The following LAP3 variants were observed in gnomAD, a reference collection of about 807,000 sequenced individuals.
LAP3 encodes the protein cytosol aminopeptidase.
A neutral mutation model predicts 58.8 loss-of-function variants in LAP3; 46 were observed. The observed-to-expected ratio is 0.78, with a 90% CI of 0.62 to 1.00. The LOEUF (loss-of-function observed/expected upper bound fraction) is 1.00, where lower values mean the gene tolerates loss of function less well. LAP3 is among the 50% of genes least tolerant of loss of function. LAP3 has a pLI of 0.00. For missense variants in LAP3, 615 were observed against 659.1 expected, an observed-to-expected ratio of 0.93 and a Z score of 0.73; for synonymous variants, 257 against 237.7, an observed-to-expected ratio of 1.08 and a Z score of -0.75.
In LAP3 at chr4:17,607,777, A is replaced by C; in HGVS notation, c.*188A>C. ...ACAAAGATTTATAAAGGTAAAGTTA[A>C]TATCTTACTTGATAAGGATTTTTAA... On this transcript the variant is annotated 3_prime_UTR_variant, in exon 13 of 13. Transcript: ENST00000226299. 2.0e-6 allele frequency: 1 copy of C among 488,700 alleles called. No homozygotes were observed. The highest frequency in any genetic ancestry group is 3.6e-6 in the Non-Finnish European group (1 of 280,208). 30.3% of individuals were successfully genotyped at this position (488,700 alleles called of 1,614,324 possible).
chr4:17,582,815 G>A (rs1238078109), intron 4 of LAP3: 1 of 168,486 alleles, frequency 5.9e-6, no homozygotes, highest in Non-Finnish European at 1.3e-5. Flanking sequence ...AAAGGTGTGT[G>A]CCTGTCCCAG....
At chr4:17,599,518 G>C (rs1713936234) in intron 10 of LAP3, among the ~76,000 whole-genome samples, 1 of 152,054 alleles carries the variant, frequency 6.6e-6, no homozygotes, top group Non-Finnish European at 1.5e-5. Context: ...CTTGGTGACA[G>C]AGCGAGACTC....
At chr4:17,595,982 A>C (rs1012230969) in intron 8 of LAP3, among the ~76,000 whole-genome samples, 4 of 152,110 alleles carry the variant, frequency 2.6e-5, no homozygotes, top group Admixed American at 6.6e-5. Context: ...ACAAACTCCC[A>C]GGCACAGTAC....
rs762408178 is a variant in LAP3, at chr4:17,577,560, T to C, written c.95T>C (p.Met32Thr). 2 of 1,554,634 alleles carry C rather than the reference T, an allele frequency of 1.3e-6. No homozygotes were observed. Among genetic ancestry groups the C allele is most frequent in the African/African-American group, 1.4e-5 (1 of 72,864 alleles). The change falls in exon 1 of 13, where the codon ATG (methionine) becomes ACG (threonine). Residue 32 changes from methionine (M) to threonine (T), a missense_variant. Transcript: ENST00000226299. Reference protein sequence around the residue: ...FGSRSLSTADMTKGLVLGIYS... With the variant: ...FGSRSLSTADTTKGLVLGIYS... ...AGCCGGAGTCTCTCCACCGCAGACA[T>C]GACGAAGGTGAGAGGCGGCGGCTCG... is the stretch of plus-strand genomic sequence containing the variant.
intron 7 of LAP3, among the ~76,000 whole-genome samples, chr4:17,594,908 T>C (rs1713791850): frequency 6.6e-6 from 1 of 152,176 alleles, no homozygotes; most frequent in African/African-American, 2.4e-5. Context: ...TGTCAGGAGT[T>C]AATCAGACAA....
At chr4:17,594,174 G>A (rs1186653530) in intron 7 of LAP3, among the ~76,000 whole-genome samples, 1 of 152,120 alleles carries the variant, frequency 6.6e-6, no homozygotes, top group Non-Finnish European at 1.5e-5. Context: ...ATCTTTAACT[G>A]GTGGCTACCT....
intron 6 of LAP3, among the ~76,000 whole-genome samples, chr4:17,587,163 G>T (rs1484899976): frequency 6.6e-6 from 1 of 152,230 alleles, no homozygotes; most frequent in Non-Finnish European, 1.5e-5. Flanking sequence ...TACAGTACAA[G>T]AGAGTGGGGC....
chr4:17,579,788 A>C, intron 1 of LAP3, 36 bp from the exon 2 acceptor site: 1,931 of 935,146 alleles, frequency 2.1e-3, no homozygotes, highest in Non-Finnish European at 3.0e-3. Flanking sequence ...GATCTACTCT[A>C]ATTCTATTAT....
intron 2 of LAP3, 39 bp downstream of exon 2, chr4:17,579,978 C>A: frequency 8.5e-7 from 1 of 1,169,686 alleles, no homozygotes; most frequent in Non-Finnish European, 1.3e-6. Context: ...TAAAGTGCCC[C>A]CAAATCGAAA....
chr4:17,596,042 G>A (rs533959875), intron 8 of LAP3, among the ~76,000 whole-genome samples: 8 of 152,208 alleles, frequency 5.3e-5, no homozygotes, highest in Non-Finnish European at 1.0e-4. Context: ...AGGAGACGGG[G>A]AAGGAGGAGA....
chr4:17,577,515 T>A lies in LAP3; in HGVS notation c.50T>A (p.Leu17Gln), dbSNP rs1713238711. 2 of 1,587,468 alleles carry A rather than the reference T, an allele frequency of 1.3e-6. No homozygotes were observed. Among genetic ancestry groups the A allele is most frequent in the East Asian group, 2.3e-5 (1 of 43,448 alleles). The change falls in exon 1 of 13, where the codon CTG becomes CAG. Residue 17 changes from leucine (L) to glutamine (Q), a missense_variant. Physicochemically the swap from Leu to Gln is moderately radical, Grantham distance 113. Transcript: ENST00000226299. Reference sequence around the variant, plus strand: ...GCGGGGCGAGTAGTCGTCCGACGTCTGGCCGTGAGACGTTTCGGGAGCCGG... The same window carrying A: ...GCGGGGCGAGTAGTCGTCCGACGTCAGGCCGTGAGACGTTTCGGGAGCCGG... ...PAAGRVVVRR[L>Q]AVRRFGSRSL...
At position 17,585,123 on chromosome 4, in the gene LAP3, G is replaced by A. The variant is rs62641703; in HGVS notation, c.691G>A (p.Glu231Lys). ...KNLKSASSKT[E>K]VHIRPKSWIE... is the part of the protein sequence containing the mutation. Reference sequence around the variant, plus strand: ...TCTCAAAAGTGCTAGTAGTAAAACCGAGGTCCATATCAGGTAATTCAGGAT... The same window carrying A: ...TCTCAAAAGTGCTAGTAGTAAAACCAAGGTCCATATCAGGTAATTCAGGAT... The change falls in exon 6 of 13, where the codon GAG (glutamate) becomes AAG (lysine). Residue 231 changes from glutamate (E) to lysine (K), a missense_variant. Transcript: ENST00000226299. The A allele has an allele frequency of 2.7e-4, 432 of 1,613,130 alleles. No individual in the cohort carries two copies. The African/African-American group carries it at 4.3e-3, about 16-fold the overall frequency.
intron 6 of LAP3, among the ~76,000 whole-genome samples, chr4:17,586,495 A>T (rs1391385406): frequency 6.6e-6 from 1 of 152,224 alleles, no homozygotes; most frequent in African/African-American, 2.4e-5. Flanking sequence ...CTTTTTGGTC[A>T]CCAAATAGTG....
intron 6 of LAP3, chr4:17,587,474 C>G (rs1355684983): frequency 7.1e-6 from 1 of 141,028 alleles, no homozygotes; most frequent in Admixed American, 7.0e-5. Context: ...GTTTCATCTT[C>G]CGATTTAAAA....
chr4:17,580,165 CAT>C (rs372439585), intron 2 of LAP3, among the ~76,000 whole-genome samples: 15 of 45,950 alleles, frequency 3.3e-4, no homozygotes, highest in East Asian at 4.4e-3. Flanking sequence ...TCCCGGCTTT[CAT>C]ATATATATAT....
At chr4:17,578,321 C>T (rs1713266690) in intron 1 of LAP3, among the ~76,000 whole-genome samples, 1 of 152,218 alleles carries the variant, frequency 6.6e-6, no homozygotes, top group Admixed American at 6.5e-5. Context: ...ATCTCCAGTA[C>T]TGTGCCACAG....
chr4:17,603,453 T>C (rs960765204), intron 10 of LAP3, among the ~76,000 whole-genome samples: 1 of 151,664 alleles, frequency 6.6e-6, no homozygotes, highest in African/African-American at 2.4e-5. Context: ...AGCCCAGGAG[T>C]TCAAGACCAG....
rs188099799 is a variant in LAP3, at chr4:17,582,098, T to C, written c.274-190T>C. On this transcript the variant is annotated intron_variant, in intron 3 of 12. Coordinates refer to ENST00000226299, the MANE Select transcript of LAP3 (RefSeq NM_015907.3). ...CTCTGCCTCTCAAACCTATAAGTTA[T>C]ACAATTTTGCCAGGACACAAAGGTT... The C allele has an allele frequency of 8.5e-5, 52 of 613,926 alleles. No individual in the cohort carries two copies. In the Admixed American group the frequency reaches 1.4e-3, roughly 17 times the overall value. 38.0% of individuals were successfully genotyped at this position (613,926 alleles called of 1,614,324 possible).
chr4:17,580,398 G>A (rs1253071655), intron 2 of LAP3, among the ~76,000 whole-genome samples: 1 of 150,820 alleles, frequency 6.6e-6, no homozygotes, highest in Non-Finnish European at 1.5e-5. Context: ...GTGAAAGCCT[G>A]TGTCTTTGGA....
Sources: gnomAD v4.1 joint callset for allele counts (sites outside exome capture counted in the v4.1 genomes callset) on GRCh38, gnomAD v4.1.1 for gene constraint, MANE v1.5 for transcripts, NCBI Gene and HGNC (gene_info 2026-07-23, HGNC 2026-07-21) for gene names.